Variants in LMX1B observed in about 807,000 individuals in gnomAD.
LMX1B encodes the protein LIM homeobox transcription factor 1 beta.
In LMX1B, 12 loss-of-function variants were observed where a neutral mutation model predicts 51.4. The observed-to-expected ratio is 0.23, with a 90% CI of 0.15 to 0.38. The LOEUF is 0.38. Ranked by LOEUF, LMX1B falls within the 10% of genes least tolerant of loss-of-function variation. The pLI is 1.00. For synonymous variants in LMX1B, 237 were observed against 235.4 expected, an observed-to-expected ratio of 1.01 and a Z score of -0.06; for missense variants, 445 against 571.1, an observed-to-expected ratio of 0.78 and a Z score of 2.25.
intron 2 of LMX1B, among the ~76,000 whole-genome samples, chr9:126,628,627 C>T (rs147057126): frequency 5.9e-5 from 9 of 152,314 alleles, no homozygotes; most frequent in East Asian, 5.8e-4. Flanking sequence ...TTAATTACCC[C>T]GCCTTGACTG....
Position 126,696,469 on chromosome 9 carries a change from G to A in LMX1B, c.*18G>A, listed in dbSNP as rs755294493. The stretch of plus-strand genomic sequence containing the variant: ...CCTCCTGAGAGCCAGCCAGGCGCAC[G>A]GACGCTTGGGCAGGGGCCTGGGGGG... On this transcript the variant is annotated 3_prime_UTR_variant, in exon 8 of 8. Transcript: ENST00000373474. The A allele has an allele frequency of 1.5e-4, 250 of 1,613,378 alleles. No homozygotes were observed. Among genetic ancestry groups the A allele is most frequent in the Non-Finnish European group, 2.0e-4 (233 of 1,179,744 alleles).
intron 2 of LMX1B, among the ~76,000 whole-genome samples, chr9:126,628,239 T>C (rs1835569666): frequency 6.6e-6 from 1 of 152,200 alleles, no homozygotes; most frequent in Non-Finnish European, 1.5e-5. Context: ...GCCAGTGGGC[T>C]GCTAGGACCT....
At position 126,695,939 on chromosome 9, in the gene LMX1B, C is replaced by T. The variant is rs773458758; in HGVS notation, c.987C>T (p.Ser329=). 19 of 1,613,172 alleles carry T rather than the reference C, an allele frequency of 1.2e-5. No individual in the cohort carries two copies. The highest frequency in any genetic ancestry group is 1.6e-5 in the Non-Finnish European group (19 of 1,179,762). The change falls in exon 7 of 8, where the codon AGC becomes AGT. Residue 329 remains serine, a synonymous_variant. Transcript: ENST00000373474. This position sits in a 1 kb window ranked among gnomAD's most constrained non-coding sequence, Gnocchi z 5.2. ...CCATGGAACAGAGCCCCTACGGCAG[C>T]AGCGACCCCTTCCAGCAGGGCCTCA... ...IVAMEQSPYG[S]SDPFQQGLTP...
chr9:126,620,419 G>A (rs1835385760), intron 2 of LMX1B, among the ~76,000 whole-genome samples: 2 of 152,218 alleles, frequency 1.3e-5, no homozygotes, highest in Admixed American at 1.3e-4. Context: ...GGGTGGTTGT[G>A]AGGATTACAC....
Position 126,615,531 on chromosome 9 carries a change from C to A in LMX1B, c.288C>A (p.Phe96Leu). The A allele has an allele frequency of 6.2e-7, 1 of 1,611,472 alleles. No homozygotes were observed. Among genetic ancestry groups the A allele is most frequent in the Non-Finnish European group, 8.5e-7 (1 of 1,178,672 alleles). ...AAGCCCTCACCACCAGCTGCTACTT[C>A]CGGGATCGGAAACTGTACTGCAAAC... ...CQQALTTSCY[F>L]RDRKLYCKQD... Residue 96 changes from phenylalanine (F) to leucine (L), a missense_variant, in exon 2 of 8, where the codon TTC becomes TTA. Around this residue, in one of 3 missense-constraint regions of LMX1B, gnomAD observed 273 missense variants for 343.3 expected, o/e 0.80. Coordinates refer to ENST00000373474, the MANE Select transcript of LMX1B (RefSeq NM_001174147.2). The surrounding 1 kb of genome is among the most constrained non-coding windows in gnomAD (Gnocchi z 6.0).
Position 126,695,986 on chromosome 9 carries a change from A to G in LMX1B, c.1034A>G (p.Asp345Gly), listed in dbSNP as rs750078683. 16 of 1,610,310 alleles carry G rather than the reference A, an allele frequency of 9.9e-6. No individual in the cohort carries two copies. The highest frequency in any genetic ancestry group is 1.4e-5 in the Non-Finnish European group (16 of 1,178,668). ...CTCACGCCGCCCCAAATGCCAGGTG[A>G]CCACATGAACCCCTATGGTAAGCCG... ...QGLTPPQMPG[D>G]HMNPYGNDSI... The change falls in exon 7 of 8, where the codon GAC becomes GGC. Residue 345 changes from aspartate (D) to glycine (G), a missense_variant. Asp to Gly is a moderately conservative substitution (Grantham distance 94). Coordinates refer to ENST00000373474, the MANE Select transcript of LMX1B (RefSeq NM_001174147.2). The surrounding 1 kb of genome is among the most constrained non-coding windows in gnomAD (Gnocchi z 5.2).
chr9:126,645,708 T>A (rs903839038), intron 2 of LMX1B, among the ~76,000 whole-genome samples: 4 of 152,092 alleles, frequency 2.6e-5, no homozygotes, highest in Non-Finnish European at 4.4e-5. Flanking sequence ...GGGGATGATG[T>A]CTCTGGAGAA....
In LMX1B at chr9:126,633,374, C is replaced by T. The variant is rs147617752; in HGVS notation, c.326+17805C>T. On this transcript the variant is annotated intron_variant, in intron 2 of 7. Transcript: ENST00000373474. ...GGGCCTGGTACTTGGTAGGTGCATC[C>T]GTGTGTCATGTCATTGTGAAGGAAT... Among the ~76,000 whole-genome samples the T allele has an allele frequency of 1.2e-4, 18 of 152,344 alleles. No homozygotes were observed. In the East Asian group the frequency reaches 3.1e-3, roughly 26 times the overall value.
At position 126,625,325 on chromosome 9, in the gene LMX1B, G is replaced by A. The variant is rs1835501799; in HGVS notation, c.326+9756G>A. On this transcript the variant is annotated intron_variant, in intron 2 of 7. Transcript: ENST00000373474. This position sits in a 1 kb window ranked among gnomAD's most constrained non-coding sequence, Gnocchi z 5.3. Reference sequence around the variant, plus strand: ...TAATTGGCAGCGTCTGGAAAATGGGGACAGTGACCCCACGACTAGAGGATG... The same window carrying A: ...TAATTGGCAGCGTCTGGAAAATGGGAACAGTGACCCCACGACTAGAGGATG... 6.6e-6 allele frequency among the ~76,000 whole-genome samples: 1 copy of A among 152,186 alleles called. No homozygotes were observed. The highest frequency in any genetic ancestry group is 2.4e-5 in the African/African-American group (1 of 41,446).
rs776860982 is a variant in LMX1B, at chr9:126,699,854, C to G, written c.*3403C>G. The G allele has an allele frequency of 3.3e-5, 5 of 152,324 alleles. No individual in the cohort carries two copies. The highest frequency in any genetic ancestry group is 5.9e-5 in the Non-Finnish European group (4 of 68,164). 9.4% of individuals were successfully genotyped at this position (152,324 alleles called of 1,614,324 possible). ...GCTGCAGCCTTGGCTGGGAGCTGGG[C>G]GGGGAGTAGCCAGGACCACCCCTTG... On this transcript the variant is annotated 3_prime_UTR_variant, in exon 8 of 8. Transcript: ENST00000373474.
At chr9:126,646,220 A>G (rs964633346) in intron 2 of LMX1B, among the ~76,000 whole-genome samples, 6 of 152,128 alleles carry the variant, frequency 3.9e-5, no homozygotes, top group African/African-American at 9.7e-5. Context: ...ATGGATGACA[A>G]GAGGGAAGTC....
rs1403747955 is a variant in LMX1B, at chr9:126,697,270, G to A, written c.*819G>A. 6.6e-6 allele frequency: 1 copy of A among 152,150 alleles called. No individual in the cohort carries two copies. The highest frequency in any genetic ancestry group is 1.9e-4 in the East Asian group (1 of 5,138). 9.4% of individuals were successfully genotyped at this position (152,150 alleles called of 1,614,324 possible). ...TCGGACCCAGTTGTATCCCAGCCTG[G>A]GCCCAAATGGGGGCAGCCTGGGCAG... is the stretch of plus-strand genomic sequence containing the variant. On this transcript the variant is annotated 3_prime_UTR_variant, in exon 8 of 8. Coordinates refer to ENST00000373474, the MANE Select transcript of LMX1B (RefSeq NM_001174147.2).
rs1283373368 is a variant in LMX1B, at chr9:126,685,546, C to T, written c.327-5290C>T. On this transcript the variant is annotated intron_variant, in intron 2 of 7. Transcript: ENST00000373474. ...GGCTGGGAGTTGCCCTAAGCTGTGG[C>T]GGAGGGGCTGGACAGGGTTGCCTTG... 5.3e-5 allele frequency among the ~76,000 whole-genome samples: 8 copies of T among 152,000 alleles called. No homozygotes were observed. The East Asian group carries it at 5.8e-4, about 11-fold the overall frequency.
intron 2 of LMX1B, among the ~76,000 whole-genome samples, chr9:126,676,117 C>T (rs1836555630): frequency 6.6e-6 from 1 of 152,026 alleles, no homozygotes; most frequent in Non-Finnish European, 1.5e-5. Context: ...GGCTCCTGTA[C>T]TCCCCAGCTT....
chr9:126,681,996 G>GC (rs2118968202), intron 2 of LMX1B, among the ~76,000 whole-genome samples: 1 of 126,994 alleles, frequency 7.9e-6, no homozygotes, highest in Admixed American at 8.1e-5. Flanking sequence ...TGTCCCCTTT[G>GC]CCCCCCAGCT....
chr9:126,677,088 T>C lies in LMX1B; in HGVS notation c.327-13748T>C, dbSNP rs965725192. On this transcript the variant is annotated intron_variant, in intron 2 of 7. Transcript: ENST00000373474. The surrounding 1 kb of genome is among the most constrained non-coding windows in gnomAD (Gnocchi z 5.0). ...TCAGTTACCCACTAAATGGGCGGGC[T>C]GCGTGCCCTGCCTGTCCCGAAGGCC... Among the ~76,000 whole-genome samples the C allele has an allele frequency of 1.3e-5, 2 of 152,206 alleles. No homozygotes were observed. The highest frequency in any genetic ancestry group is 4.8e-5 in the African/African-American group (2 of 41,462).
rs533190143 is a variant in LMX1B, at chr9:126,654,309, A to G, written c.327-36527A>G. ...CCTGGCTGGGCTCCCACAGACCCCC[A>G]TGCCTCCCCCACTCCAGCCCTGATT... On this transcript the variant is annotated intron_variant, in intron 2 of 7. Transcript: ENST00000373474. Among the ~76,000 whole-genome samples the G allele has an allele frequency of 7.0e-4, 107 of 152,050 alleles. 1 individual carries two copies. The highest frequency in any genetic ancestry group is 2.4e-3 in the African/African-American group (100 of 41,476).
Position 126,614,291 on chromosome 9 carries a change from C to A in LMX1B, c.-159C>A, listed in dbSNP as rs1835254381. Among the ~76,000 whole-genome samples the A allele has an allele frequency of 6.9e-6, 1 of 145,486 alleles. No homozygotes were observed. The highest frequency in any genetic ancestry group is 2.5e-5 in the African/African-American group (1 of 40,556). On this transcript the variant is annotated 5_prime_UTR_variant, in exon 1 of 8. Coordinates refer to ENST00000373474, the MANE Select transcript of LMX1B (RefSeq NM_001174147.2). ...GCCCGCACGACGCCGGGGCCCGGGG[C>A]CAGCGCGTCGCCGCTCCACGATCGC...
intron 2 of LMX1B, among the ~76,000 whole-genome samples, chr9:126,633,323 C>T (rs990030497): frequency 6.6e-6 from 1 of 152,218 alleles, no homozygotes; most frequent in Non-Finnish European, 1.5e-5. Flanking sequence ...ACAACCTCTG[C>T]CCAGGGTACC....
Sources: allele counts gnomAD v4.1 joint callset (sites outside exome capture counted in the v4.1 genomes callset), GRCh38; gene constraint gnomAD v4.1.1; regional missense constraint gnomAD v4.1.1; non-coding constraint Gnocchi (gnomAD v3.1); transcripts MANE v1.5; gene names NCBI Gene and HGNC (gene_info 2026-07-23, HGNC 2026-07-21).